HHAT: variants seen among roughly 807,000 people sequenced by gnomAD.
HHAT encodes hedgehog acyltransferase.
Under a neutral mutation model 70.8 loss-of-function variants are expected in HHAT, and 47 were observed. That is an observed-to-expected ratio of 0.66 (90% confidence interval 0.53 to 0.85). The LOEUF (loss-of-function observed/expected upper bound fraction) is 0.85. Ranked by LOEUF, HHAT falls within the 40% of genes least tolerant of loss-of-function variation. The pLI, the probability that HHAT is intolerant of heterozygous loss-of-function variation, is 0.00. For missense variants in HHAT, 609 were observed against 604.8 expected, an observed-to-expected ratio of 1.01 and a Z score of -0.07; for synonymous variants, 228 against 247.6, an observed-to-expected ratio of 0.92 and a Z score of 0.74.
chr1:210,546,189 T>C (rs192247098), intron 9 of HHAT, among the ~76,000 whole-genome samples: 1 of 152,332 alleles, frequency 6.6e-6, no homozygotes, highest in Admixed American at 6.5e-5. Context: ...GGCAACACAC[T>C]GGGCCTTGGA....
intron 4 of HHAT, among the ~76,000 whole-genome samples, chr1:210,390,552 A>G (rs1438798842): frequency 1.3e-5 from 2 of 152,144 alleles, no homozygotes; most frequent in Non-Finnish European, 2.9e-5. Context: ...GTTTTTGGTT[A>G]CATGGATAAA....
intron 11 of HHAT, among the ~76,000 whole-genome samples, chr1:210,650,387 C>A (rs1674893395): frequency 6.6e-6 from 1 of 152,200 alleles, no homozygotes; most frequent in Admixed American, 6.5e-5. Flanking sequence ...CTGGCCCCAA[C>A]TGTGGAGGAT....
chr1:210,671,751 T>TA (rs1397162665), intron 11 of HHAT, among the ~76,000 whole-genome samples: 1 of 152,228 alleles, frequency 6.6e-6, no homozygotes, highest in Non-Finnish European at 1.5e-5. Context: ...AATACATGTC[T>TA]ATTGTTTTAA....
intron 9 of HHAT, among the ~76,000 whole-genome samples, chr1:210,540,778 G>A (rs2148659523): frequency 6.6e-6 from 1 of 151,922 alleles, no homozygotes; most frequent in African/African-American, 2.4e-5. Flanking sequence ...CCAAGTAGCT[G>A]GAACTACAGG....
chr1:210,561,765 G>A (rs1048543339), intron 9 of HHAT, among the ~76,000 whole-genome samples: 8 of 152,098 alleles, frequency 5.3e-5, no homozygotes, highest in South Asian at 2.1e-4. Flanking sequence ...TTGCCTCCAC[G>A]TACTTATCAT....
chr1:210,459,013 T>C (rs1286533825), intron 7 of HHAT, among the ~76,000 whole-genome samples: 1 of 152,226 alleles, frequency 6.6e-6, no homozygotes, highest in Non-Finnish European at 1.5e-5. Flanking sequence ...CTTGAAAATC[T>C]GTGCCATTTA....
chr1:210,670,630 C>A (rs1423640900), intron 11 of HHAT, among the ~76,000 whole-genome samples: 1 of 152,142 alleles, frequency 6.6e-6, no homozygotes, highest in East Asian at 1.9e-4. Flanking sequence ...TCTGTCATCA[C>A]AAATCTTACT....
chr1:210,444,785 T>A (rs4845028), intron 7 of HHAT, among the ~76,000 whole-genome samples: 35,454 of 151,672 alleles, frequency 0.23, 4,478 homozygotes, highest in Admixed American at 0.36. Flanking sequence ...AAGTGCTGAG[T>A]TTACAGACGT....
intron 8 of HHAT, among the ~76,000 whole-genome samples, chr1:210,478,764 G>T (rs900908203): frequency 2.6e-5 from 4 of 152,302 alleles, no homozygotes; most frequent in African/African-American, 7.2e-5. Context: ...GGCTGTTCTT[G>T]TGTGAGTTTG....
chr1:210,549,825 T>A (rs1319918535), intron 9 of HHAT, among the ~76,000 whole-genome samples: 1 of 148,744 alleles, frequency 6.7e-6, no homozygotes, highest in Non-Finnish European at 1.5e-5. Flanking sequence ...CAAGAACCCA[T>A]CTCAAAGCAG....
intron 7 of HHAT, 24 bp from the exon 8 acceptor site, chr1:210,464,481 C>T: frequency 1.2e-6 from 2 of 1,613,952 alleles, no homozygotes; most frequent in Non-Finnish European, 1.7e-6. Context: ...TTCCATGTGT[C>T]TGACTGGTCT....
At chr1:210,475,975 G>C (rs1205695281) in intron 8 of HHAT, among the ~76,000 whole-genome samples, 1 of 152,230 alleles carries the variant, frequency 6.6e-6, no homozygotes, top group African/African-American at 2.4e-5. Context: ...ATATGTCCCA[G>C]ATCACAGAGC....
At chr1:210,395,981 T>C (rs2091761585) in intron 4 of HHAT, among the ~76,000 whole-genome samples, 1 of 152,132 alleles carries the variant, frequency 6.6e-6, no homozygotes, top group Non-Finnish European at 1.5e-5. Flanking sequence ...GTTTAGCCTA[T>C]TAAGGAGACT....
At chr1:210,501,423 G>C (rs2094751841) in intron 8 of HHAT, among the ~76,000 whole-genome samples, 1 of 152,180 alleles carries the variant, frequency 6.6e-6, no homozygotes, top group Non-Finnish European at 1.5e-5. Flanking sequence ...AACCACTCAA[G>C]ATATTTTGGG....
At chr1:210,641,557 G>A (rs1295354078) in intron 11 of HHAT, among the ~76,000 whole-genome samples, 1 of 152,186 alleles carries the variant, frequency 6.6e-6, no homozygotes, top group East Asian at 1.9e-4. Flanking sequence ...TAAGGTACTA[G>A]CAGTTCTGCT....
chr1:210,544,291 TC>T (rs2095460152), intron 9 of HHAT, among the ~76,000 whole-genome samples: 1 of 152,076 alleles, frequency 6.6e-6, no homozygotes, highest in Admixed American at 6.6e-5. Flanking sequence ...TTGTCAAGTA[TC>T]TTTACCTAGA....
At chr1:210,611,123 T>C (rs1306386547) in intron 10 of HHAT, among the ~76,000 whole-genome samples, 1 of 152,246 alleles carries the variant, frequency 6.6e-6, no homozygotes, top group East Asian at 1.9e-4. Flanking sequence ...ATTTTCACGA[T>C]ATTGATTATT....
At chr1:210,376,407 T>C (rs2090219605) in intron 3 of HHAT, among the ~76,000 whole-genome samples, 1 of 152,190 alleles carries the variant, frequency 6.6e-6, no homozygotes, top group Admixed American at 6.5e-5. Flanking sequence ...CTGTCGTTAG[T>C]GGAGGGATAG....
chr1:210,549,242 G>A (rs961657925), intron 9 of HHAT, among the ~76,000 whole-genome samples: 1 of 149,296 alleles, frequency 6.7e-6, no homozygotes, highest in African/African-American at 2.5e-5. Context: ...ATTACTGTGG[G>A]TGAGGAAAGA....
Sources: allele counts gnomAD v4.1 joint callset (sites outside exome capture counted in the v4.1 genomes callset), GRCh38; gene constraint gnomAD v4.1.1; transcripts MANE v1.5; gene names NCBI Gene and HGNC (gene_info 2026-07-23, HGNC 2026-07-21).